The following NMT1 variants were observed in gnomAD, a reference collection of about 807,000 sequenced individuals.
NMT1 encodes glycylpeptide N-tetradecanoyltransferase 1.
In NMT1, 12 loss-of-function variants were observed where a neutral mutation model predicts 63.4. That is an observed-to-expected ratio of 0.19 (90% confidence interval 0.12 to 0.31). The LOEUF is 0.31. NMT1 is among the 10% of genes least tolerant of loss of function. The pLI, the probability that NMT1 is intolerant of heterozygous loss-of-function variation, is 1.00. For missense variants in NMT1, 432 were observed against 634.6 expected (o/e 0.68, Z 3.43); for synonymous variants, 228 against 234.3 (o/e 0.97, Z 0.25).
At chr17:45,061,486 C>A (rs758067717) in intron 1 of NMT1, 26 bp downstream of exon 1, 2 of 1,604,252 alleles carry the variant, frequency 1.2e-6, no homozygotes, top group Non-Finnish European at 1.7e-6. Context: ...GAGTCCAATT[C>A]CCGTCCAGCC....
rs374528437 is a variant in NMT1 at position 45,082,705 on chromosome 17, C to T, written c.240+953C>T. 2.7e-4 allele frequency among the ~76,000 whole-genome samples: 41 copies of T among 152,310 alleles called. 2 individuals carry two copies. In the East Asian group the frequency reaches 5.8e-3, roughly 21 times the overall value. Reference sequence around the variant, plus strand: ...GGCAGGGGGACAACTCAAACATATTCATAATTCACCTTTTAAAACTGCCTC... The same window carrying T: ...GGCAGGGGGACAACTCAAACATATTTATAATTCACCTTTTAAAACTGCCTC... On this transcript the variant is annotated intron_variant, in intron 2 of 11. Coordinates refer to ENST00000258960, the MANE Select transcript of NMT1 (RefSeq NM_021079.5).
Position 45,061,488 on chromosome 17 carries a change from C to G in NMT1, c.131+28C>G, listed in dbSNP as rs373223252. On this transcript the variant is annotated intron_variant, in intron 1 of 11. Coordinates refer to ENST00000258960, the MANE Select transcript of NMT1 (RefSeq NM_021079.5). ...AACGAAATCCTCGGAGTCCAATTCCCGTCCAGCCTCCCACAACCTGGGTCT... is the reference window on the plus strand; with the variant it reads ...AACGAAATCCTCGGAGTCCAATTCCGGTCCAGCCTCCCACAACCTGGGTCT... 6 of 1,603,076 alleles carry G rather than the reference C, an allele frequency of 3.7e-6. No individual in the cohort carries two copies. The African/African-American group carries it at 8.0e-5, about 21-fold the overall frequency.
chr17:45,082,484 A>G (rs1234419889), intron 2 of NMT1, among the ~76,000 whole-genome samples: 1 of 152,180 alleles, frequency 6.6e-6, no homozygotes, highest in Non-Finnish European at 1.5e-5. Context: ...TTATAATGAA[A>G]GCCATGAGTC....
rs533151325 is a variant in NMT1, at chr17:45,103,201, C to T, written c.1164+80C>T. 1.5e-4 allele frequency: 199 copies of T among 1,368,460 alleles called. No homozygotes were observed. The African/African-American group carries it at 2.1e-3, about 14-fold the overall frequency. 84.8% of individuals were successfully genotyped at this position (1,368,460 alleles called of 1,614,324 possible). A position where few individuals can be genotyped will look rare whatever the true frequency, so the allele number is the denominator to read the frequency against. ...CCTGAGTGGCCGGGTTCCCAGGGCT[C>T]GAGTGTTGGCACCTTAGACTTCCTT... is the stretch of plus-strand genomic sequence containing the variant. On this transcript the variant is annotated intron_variant, in intron 9 of 11. Transcript: ENST00000258960. The surrounding 1 kb of genome is among the most constrained non-coding windows in gnomAD (Gnocchi z 4.8).
Position 45,103,921 on chromosome 17 carries a change from G to A in NMT1, c.1332+45G>A, listed in dbSNP as rs751424597. On this transcript the variant is annotated intron_variant, in intron 10 of 11. Transcript: ENST00000258960. This position sits in a 1 kb window ranked among gnomAD's most constrained non-coding sequence, Gnocchi z 4.8. ...GTCTCTGGAGATGTGCAGGGAAGAG[G>A]CAGTGGAGCCATGGTGAGCACAGCT... is the stretch of plus-strand genomic sequence containing the variant. 8.4e-5 allele frequency: 135 copies of A among 1,607,490 alleles called. No homozygotes were observed. Among genetic ancestry groups the A allele is most frequent in the Non-Finnish European group, 1.0e-4 (123 of 1,179,926 alleles).
chr17:45,069,753 T>TAAC (rs533923902), intron 1 of NMT1, among the ~76,000 whole-genome samples: 34 of 152,102 alleles, frequency 2.2e-4, no homozygotes, highest in Non-Finnish European at 3.8e-4. Context: ...TGGCTCCATT[T>TAAC]AACAGCCTAT....
intron 2 of NMT1, among the ~76,000 whole-genome samples, chr17:45,084,201 T>C (rs1296575168): frequency 6.6e-6 from 1 of 152,154 alleles, no homozygotes; most frequent in Non-Finnish European, 1.5e-5. Context: ...TTTAAAATAA[T>C]TGAATGAATA....
chr17:45,089,629 C>A (rs964061566), intron 3 of NMT1, among the ~76,000 whole-genome samples: 2 of 150,744 alleles, frequency 1.3e-5, no homozygotes, highest in Non-Finnish European at 3.0e-5. Context: ...CATGAGCTAC[C>A]GCACCCGGCC....
Position 45,104,455 on chromosome 17 carries a change from G to T in NMT1, c.1333-404G>T, listed in dbSNP as rs925988290. 1.8e-6 allele frequency: 2 copies of T among 1,093,722 alleles called. No homozygotes were observed. Among genetic ancestry groups the T allele is most frequent in the African/African-American group, 3.3e-5 (2 of 61,520 alleles). The allele number at this position is 1,093,722 out of a possible 1,614,324, so 67.8% of individuals were successfully genotyped here. ...CATGAGGTGCACTGAGGGCCTGAGA[G>T]TTGGGGCATCCATGGAGTAAGGAAG... On this transcript the variant is annotated intron_variant, in intron 10 of 11. Transcript: ENST00000258960. This position sits in a 1 kb window ranked among gnomAD's most constrained non-coding sequence, Gnocchi z 4.2.
chr17:45,069,273 A>ATTTATTTATTTATTTAT (rs370339622), intron 1 of NMT1, among the ~76,000 whole-genome samples: 4 of 137,586 alleles, frequency 2.9e-5, no homozygotes, highest in Non-Finnish European at 6.2e-5. Context: ...TTTATTTTTT[A>ATTTATTTATTTATTTAT]TTATTTATTT....
Position 45,086,508 on chromosome 17 carries a change from A to T in NMT1, c.241A>T (p.Met81Leu). Reference protein sequence around the residue: ...TDSAQDQPVKMNSLPAERIQE... With the variant: ...TDSAQDQPVKLNSLPAERIQE... The stretch of plus-strand genomic sequence containing the variant: ...TTCTCCCCAACTTTGTCTTGTCCAG[A>T]TGAACTCTTTGCCAGCAGAGAGGAT... Residue 81 changes from methionine to leucine, a missense_variant and splice_region_variant, in exon 3 of 12, where the codon ATG becomes TTG. Physicochemically the swap from Met to Leu is conservative, Grantham distance 15. Coordinates refer to ENST00000258960, the MANE Select transcript of NMT1 (RefSeq NM_021079.5). The T allele has an allele frequency of 6.2e-7, 1 of 1,606,956 alleles. No individual in the cohort carries two copies. The highest frequency in any genetic ancestry group is 8.5e-7 in the Non-Finnish European group (1 of 1,177,546).
At position 45,104,074 on chromosome 17, in the gene NMT1, G is replaced by C; in HGVS notation, c.1332+198G>C. ...GGGAACAAGGAGCATCCGAAGTGAA[G>C]GCATTGAACTCCTCCTGATTCATTT... On this transcript the variant is annotated intron_variant, in intron 10 of 11. Coordinates refer to ENST00000258960, the MANE Select transcript of NMT1 (RefSeq NM_021079.5). This position sits in a 1 kb window ranked among gnomAD's most constrained non-coding sequence, Gnocchi z 4.2. 6.6e-7 allele frequency: 1 copy of C among 1,506,308 alleles called. No individual in the cohort carries two copies. The highest frequency in any genetic ancestry group is 8.8e-7 in the Non-Finnish European group (1 of 1,130,512). The allele number at this position is 1,506,308 out of a possible 1,614,324, so 93.3% of individuals were successfully genotyped here. A position where few individuals can be genotyped will look rare whatever the true frequency, so the allele number is the denominator to read the frequency against.
chr17:45,065,195 A>G (rs959558106), intron 1 of NMT1, among the ~76,000 whole-genome samples: 2 of 152,182 alleles, frequency 1.3e-5, no homozygotes, highest in Admixed American at 1.3e-4. Context: ...TGAATGGCAG[A>G]TATTAAAGTG....
intron 1 of NMT1, among the ~76,000 whole-genome samples, chr17:45,070,913 A>G (rs2053935728): frequency 6.6e-6 from 1 of 152,188 alleles, no homozygotes; most frequent in Non-Finnish European, 1.5e-5. Flanking sequence ...GGGATTCACA[A>G]GCAGTTTTTG....
At chr17:45,086,701 C>G in intron 3 of NMT1, 49 bp downstream of exon 3, 3 of 1,548,886 alleles carry the variant, frequency 1.9e-6, no homozygotes, top group Non-Finnish European at 2.6e-6. Context: ...AGGGATCTGC[C>G]TCAGCTGTGC....
chr17:45,084,624 C>T (rs1015251393), intron 2 of NMT1, among the ~76,000 whole-genome samples: 7 of 151,674 alleles, frequency 4.6e-5, no homozygotes, highest in African/African-American at 7.2e-5. Flanking sequence ...TGAGCCACCG[C>T]GCCCGGCCAC....
At chr17:45,079,773 C>T (rs1364298294) in intron 1 of NMT1, among the ~76,000 whole-genome samples, 1 of 152,144 alleles carries the variant, frequency 6.6e-6, no homozygotes, top group Non-Finnish European at 1.5e-5. Flanking sequence ...AATCTCGGCT[C>T]ACTGCAAGCT....
rs989799803 is a variant in NMT1, at chr17:45,108,502, A to T, written c.*2863A>T. 1.3e-5 allele frequency: 2 copies of T among 152,600 alleles called. No homozygotes were observed. The highest frequency in any genetic ancestry group is 4.8e-5 in the African/African-American group (2 of 41,418). 9.5% of individuals were successfully genotyped at this position (152,600 alleles called of 1,614,324 possible). ...TTGCTGGCTCTCAGAAGCCTAGGGG[A>T]GTCCCTGTGGTCCTGAATTCTTTCC... On this transcript the variant is annotated 3_prime_UTR_variant, in exon 12 of 12. Transcript: ENST00000258960.
At chr17:45,098,358 C>T in intron 6 of NMT1, 24 bp from the exon 7 acceptor site, 1 of 1,607,786 alleles carries the variant, frequency 6.2e-7, no homozygotes, top group Non-Finnish European at 8.5e-7. Flanking sequence ...AAAACCTTGT[C>T]ACCTGGATTT....
Sources: allele counts gnomAD v4.1 joint callset (sites outside exome capture counted in the v4.1 genomes callset), GRCh38; gene constraint gnomAD v4.1.1; non-coding constraint Gnocchi (gnomAD v3.1); transcripts MANE v1.5; gene names NCBI Gene and HGNC (gene_info 2026-07-23, HGNC 2026-07-21).